Variants in GNAL observed in about 807,000 individuals in gnomAD.
GNAL encodes guanine nucleotide-binding protein G(olf) subunit alpha.
GNAL carries 18 observed loss-of-function variants against 55.1 expected under a neutral mutation model. The observed-to-expected ratio is 0.33, with a 90% CI of 0.23 to 0.48. GNAL has a LOEUF of 0.48. GNAL is among the 20% of genes least tolerant of loss of function. The probability of loss-of-function intolerance (pLI) is 0.99; values close to 1 mark genes in which losing one functional copy is unlikely to be tolerated. For missense variants in GNAL, 412 were observed against 614.1 expected (o/e 0.67, Z 3.48); for synonymous variants, 253 against 237.0 (o/e 1.07, Z -0.62).
chr18:11,772,204 T>C (rs8084992), intron 4 of GNAL, among the ~76,000 whole-genome samples: 65,178 of 152,144 alleles, frequency 0.43, 16,963 homozygotes, highest in African/African-American at 0.74. Context: ...TAAATAAAAA[T>C]ACCAGGACAG....
At chr18:11,832,157 G>A (rs886873124) in intron 5 of GNAL, among the ~76,000 whole-genome samples, 1 of 152,184 alleles carries the variant, frequency 6.6e-6, no homozygotes, top group Non-Finnish European at 1.5e-5. Context: ...AAGAAAATCA[G>A]AGAGAATTGG....
chr18:11,740,365 C>A (rs1186044109), intron 1 of GNAL, among the ~76,000 whole-genome samples: 1 of 152,126 alleles, frequency 6.6e-6, no homozygotes, highest in Non-Finnish European at 1.5e-5. Flanking sequence ...TTAGCTATTT[C>A]TCTAAGGATG....
At chr18:11,799,223 C>T (rs1417676251) in intron 4 of GNAL, among the ~76,000 whole-genome samples, 1 of 152,102 alleles carries the variant, frequency 6.6e-6, no homozygotes, top group Non-Finnish European at 1.5e-5. Flanking sequence ...TCCCCAGCCA[C>T]AGGGACAGTC....
Position 11,868,478 on chromosome 18 carries a change from T to C in GNAL, c.911-65T>C. 2.2e-6 allele frequency: 3 copies of C among 1,382,932 alleles called. No individual in the cohort carries two copies. The highest frequency in any genetic ancestry group is 3.0e-6 in the Non-Finnish European group (3 of 995,934). The allele number at this position is 1,382,932 out of a possible 1,614,324, so 85.7% of individuals were successfully genotyped here. On this transcript the variant is annotated intron_variant, in intron 8 of 11. Transcript: ENST00000334049. This position sits in a 1 kb window ranked among gnomAD's most constrained non-coding sequence, Gnocchi z 4.0. ...TGGAACTGAGTAGCTGCTGGGTGTG[T>C]ACTTTCTTGTAACTCCACAGTGAGG...
intron 5 of GNAL, among the ~76,000 whole-genome samples, chr18:11,839,916 A>G (rs970359163): frequency 6.6e-6 from 1 of 152,260 alleles, no homozygotes; most frequent in Non-Finnish European, 1.5e-5. Flanking sequence ...AACTTAAGGT[A>G]TAAGGAAGCT....
intron 9 of GNAL, among the ~76,000 whole-genome samples, chr18:11,869,484 C>A (rs571395733): frequency 2.6e-5 from 4 of 152,204 alleles, no homozygotes; most frequent in African/African-American, 9.6e-5. Flanking sequence ...AGTTCTTTGT[C>A]AAGAAAATTT....
rs1002054179 is a variant in GNAL at position 11,689,399 on chromosome 18, C to T, written c.-165C>T. 2.4e-4 allele frequency: 86 copies of T among 361,228 alleles called. 1 individual carries two copies. Among genetic ancestry groups the T allele is most frequent in the Middle Eastern group, 7.2e-4 (1 of 1,386 alleles). The allele number at this position is 361,228 out of a possible 1,614,324, so 22.4% of individuals were successfully genotyped here. ...TGGCCCTCGGCCCCGGCCTGCCGCA[C>T]CCCCTTCCCGCAGCTGGCGGCCGGC... On this transcript the variant is annotated 5_prime_UTR_variant, in exon 1 of 12. Coordinates refer to ENST00000334049, the MANE Select transcript of GNAL (RefSeq NM_182978.4).
chr18:11,803,303 G>A (rs1219623234), intron 4 of GNAL, among the ~76,000 whole-genome samples: 3 of 152,220 alleles, frequency 2.0e-5, no homozygotes, highest in Non-Finnish European at 4.4e-5. Context: ...ACTTATGTAA[G>A]TGGAATCATC....
intron 1 of GNAL, among the ~76,000 whole-genome samples, chr18:11,742,434 T>A (rs2032596887): frequency 6.6e-6 from 1 of 152,064 alleles, no homozygotes; most frequent in Non-Finnish European, 1.5e-5. Flanking sequence ...ATGAGGGGAG[T>A]ACTGTTACCC....
intron 1 of GNAL, among the ~76,000 whole-genome samples, chr18:11,734,245 C>G (rs570004892): frequency 5.3e-5 from 8 of 151,298 alleles, no homozygotes; most frequent in Non-Finnish European, 8.8e-5. Flanking sequence ...CCAGTTCAAG[C>G]GATTCTCCTG....
At chr18:11,799,330 A>G (rs1266473669) in intron 4 of GNAL, among the ~76,000 whole-genome samples, 1 of 152,170 alleles carries the variant, frequency 6.6e-6, no homozygotes, top group Non-Finnish European at 1.5e-5. Context: ...GAAAGTGTAA[A>G]GCCATTTTTG....
intron 7 of GNAL, among the ~76,000 whole-genome samples, chr18:11,864,995 T>G (rs1393520401): frequency 6.6e-6 from 1 of 152,040 alleles, no homozygotes; most frequent in Non-Finnish European, 1.5e-5. Flanking sequence ...TGAGCTTACT[T>G]TCTTCATTTT....
chr18:11,772,229 T>C (rs552690706), intron 4 of GNAL, among the ~76,000 whole-genome samples: 1 of 151,924 alleles, frequency 6.6e-6, no homozygotes, highest in Non-Finnish European at 1.5e-5. Flanking sequence ...TAGAAAAGAG[T>C]TGTAAGAAAT....
intron 4 of GNAL, among the ~76,000 whole-genome samples, chr18:11,759,488 T>G (rs1004257671): frequency 6.6e-6 from 1 of 152,256 alleles, no homozygotes; most frequent in East Asian, 1.9e-4. Flanking sequence ...GTCAGTGTTT[T>G]GCCTTCCTCC....
intron 1 of GNAL, among the ~76,000 whole-genome samples, chr18:11,742,049 C>A (rs923302598): frequency 3.3e-5 from 5 of 152,222 alleles, no homozygotes; most frequent in African/African-American, 1.2e-4. Flanking sequence ...TTCCCAGCCC[C>A]TGGATACCAC....
rs1277115043 is a variant in GNAL, at chr18:11,689,608, AG to A, written c.49del (p.Asp17ThrfsTer65). The A allele has an allele frequency of 2.2e-6, 3 of 1,341,400 alleles. No homozygotes were observed. The highest frequency in any genetic ancestry group is 2.0e-5 in the South Asian group (1 of 50,642). 83.1% of individuals were successfully genotyped at this position (1,341,400 alleles called of 1,614,324 possible). Reference sequence around the variant, plus strand: ...TGCGGCCGCTGCTTTTCGGGGGCCCAGGGGACGACCCCTGCGCGGCCTCGGA... The same window carrying A: ...TGCGGCCGCTGCTTTTCGGGGGCCCAGGGACGACCCCTGCGCGGCCTCGGA... ...SLRPLLFGGPGDDPCAASEPP... is the reference protein window; with the variant it reads ...SLRPLLFGGPXDDPCAASEPP... On this transcript the variant is annotated frameshift_variant, in exon 1 of 12. Coordinates refer to ENST00000334049, the MANE Select transcript of GNAL (RefSeq NM_182978.4). LOFTEE classifies it high-confidence loss of function.
intron 4 of GNAL, among the ~76,000 whole-genome samples, chr18:11,768,818 C>T (rs1286616322): frequency 6.8e-6 from 1 of 146,048 alleles, no homozygotes; most frequent in African/African-American, 2.5e-5. Flanking sequence ...GGTGTGAACC[C>T]GGGAGGCGGA....
intron 4 of GNAL, among the ~76,000 whole-genome samples, chr18:11,759,817 G>T (rs1284066646): frequency 6.6e-6 from 1 of 152,200 alleles, no homozygotes; most frequent in African/African-American, 2.4e-5. Flanking sequence ...AGATTCTTCC[G>T]CACAATATCT....
At chr18:11,847,981 C>T (rs2035775187) in intron 5 of GNAL, among the ~76,000 whole-genome samples, 1 of 152,084 alleles carries the variant, frequency 6.6e-6, no homozygotes, top group Non-Finnish European at 1.5e-5. Flanking sequence ...GATAATTCTT[C>T]CAAATCCAAC....
Sources: gnomAD v4.1 joint callset for allele counts (sites outside exome capture counted in the v4.1 genomes callset) on GRCh38, gnomAD v4.1.1 for gene constraint, Gnocchi (gnomAD v3.1) non-coding constraint, MANE v1.5 for transcripts, NCBI Gene and HGNC (gene_info 2026-07-23, HGNC 2026-07-21) for gene names.